DNAH12: variants seen among roughly 807,000 people sequenced by gnomAD.
The protein encoded by DNAH12 is dynein axonemal heavy chain 12.
DNAH12 carries 285 observed loss-of-function variants against 371.5 expected under a neutral mutation model. The observed-to-expected ratio is 0.77, with a 90% confidence interval of 0.70 to 0.85. DNAH12 has a LOEUF of 0.85. Ranked by LOEUF, DNAH12 falls within the 40% of genes least tolerant of loss-of-function variation. DNAH12 has a pLI of 0.00. For missense variants in DNAH12, 3,611 were observed against 3,689.4 expected (o/e 0.98, Z 0.55); for synonymous variants, 1,200 against 1,213.0 (o/e 0.99, Z 0.22).
At chr3:57,294,322 G>T (rs763479106) in intron 73 of DNAH12, among the ~76,000 whole-genome samples, 4 of 151,932 alleles carry the variant, frequency 2.6e-5, no homozygotes, top group Non-Finnish European at 5.9e-5. Context: ...GACTACAGGT[G>T]CCTGCCACCA....
At chr3:57,494,874 T>A (rs1575683099) in intron 11 of DNAH12, among the ~76,000 whole-genome samples, 2 of 152,042 alleles carry the variant, frequency 1.3e-5, no homozygotes, top group South Asian at 4.1e-4. Context: ...CCCACCATAG[T>A]GGCATATGCC....
At chr3:57,358,195 T>A (rs2062843878) in intron 58 of DNAH12, among the ~76,000 whole-genome samples, 2 of 152,162 alleles carry the variant, frequency 1.3e-5, no homozygotes, top group African/African-American at 4.8e-5. Flanking sequence ...AATCAAAAAT[T>A]TCCCTGGAGA....
At chr3:57,432,989 A>G (rs1413491079) in intron 32 of DNAH12, among the ~76,000 whole-genome samples, 5 of 152,188 alleles carry the variant, frequency 3.3e-5, no homozygotes, top group African/African-American at 1.2e-4. Context: ...AAGGTGATAT[A>G]CTGTATATAA....
chr3:57,413,670 G>T (rs1277733180), intron 39 of DNAH12, 76 bp downstream of exon 39: 1 of 1,408,356 alleles, frequency 7.1e-7, no homozygotes, highest in Non-Finnish European at 9.5e-7. Flanking sequence ...CTTGAAAAAT[G>T]TATTATTTTA....
intron 29 of DNAH12, among the ~76,000 whole-genome samples, chr3:57,438,918 C>CAAAAAAAAAAAAAAAAAAA (rs57608649): frequency 2.1e-5 from 2 of 94,494 alleles, no homozygotes; most frequent in African/African-American, 8.0e-5. Flanking sequence ...CTGTCTCAGA[C>CAAAAAAAAAAAAAAAAAAA]AAAAAAAAAA....
At chr3:57,320,921 T>C (rs1337165104) in intron 65 of DNAH12, among the ~76,000 whole-genome samples, 1 of 152,212 alleles carries the variant, frequency 6.6e-6, no homozygotes, top group East Asian at 1.9e-4. Context: ...CTATTACCAC[T>C]GTTCATCACA....
At chr3:57,502,712 G>A (rs6445897) in intron 9 of DNAH12, among the ~76,000 whole-genome samples, 2,082 of 152,210 alleles carry the variant, frequency 0.014, 58 homozygotes, top group African/African-American at 0.047. Context: ...ACCACGCCCA[G>A]CTAATTTTTG....
intron 60 of DNAH12, among the ~76,000 whole-genome samples, chr3:57,349,020 T>G (rs1213794278): frequency 3.0e-5 from 4 of 133,814 alleles, no homozygotes; most frequent in Non-Finnish European, 6.2e-5. Flanking sequence ...GCAAAAGAAA[T>G]AATCAGCAGA....
intron 4 of DNAH12, among the ~76,000 whole-genome samples, chr3:57,517,057 T>C (rs2068226758): frequency 6.6e-6 from 1 of 152,178 alleles, no homozygotes; most frequent in Non-Finnish European, 1.5e-5. Flanking sequence ...GTTCCCTCTG[T>C]TGGGAAATTC....
chr3:57,499,673 T>TATATATATATATATATATATACAC (rs771112538), intron 11 of DNAH12, among the ~76,000 whole-genome samples: 2 of 44,460 alleles, frequency 4.5e-5, no homozygotes, highest in African/African-American at 8.9e-5. Context: ...TATATATATA[T>TATATATATATATATATATATACAC]ATACTTCTTA....
rs72879656 is a variant in DNAH12 at position 57,412,126 on chromosome 3, T to A, written c.6020+1620A>T. Among the ~76,000 whole-genome samples the A allele has an allele frequency of 8.1e-3, 1,236 of 152,252 alleles. 11 individuals are homozygous for A. The highest frequency in any genetic ancestry group is 0.028 in the African/African-American group (1,152 of 41,564). ...TGGGCACAGTGGCTCATACCTATAA[T>A]CCCAGCTACCTAGGAGGCTGAGGCA... is the stretch of plus-strand genomic sequence containing the variant. On this transcript the variant is annotated intron_variant, in intron 39 of 73. Transcript: ENST00000495027.
chr3:57,500,752 G>A (rs1226445412), intron 11 of DNAH12, among the ~76,000 whole-genome samples: 1 of 152,022 alleles, frequency 6.6e-6, no homozygotes, highest in African/African-American at 2.4e-5. Context: ...AGCTCCTGAA[G>A]ACAGTGCTTA....
intron 27 of DNAH12, among the ~76,000 whole-genome samples, chr3:57,445,677 T>A (rs1254821616): frequency 7.1e-6 from 1 of 141,604 alleles, no homozygotes; most frequent in Admixed American, 7.6e-5. Context: ...TGGGTTTTTT[T>A]AATTCACGAA....
chr3:57,308,266 C>G (rs1224969517), intron 69 of DNAH12, among the ~76,000 whole-genome samples: 1 of 152,206 alleles, frequency 6.6e-6, no homozygotes, highest in Non-Finnish European at 1.5e-5. Flanking sequence ...CTTCCCACCT[C>G]TATACAGTCC....
Position 57,542,681 on chromosome 3 carries a change from T to A in DNAH12, c.170+20A>T. ...TTACTTGAATTCCAAGCAAGAATTA[T>A]CTACTAATATGCTACTTACACTAAC... On this transcript the variant is annotated intron_variant, in intron 2 of 73. Transcript: ENST00000495027. 1 of 1,538,160 alleles carries A rather than the reference T, an allele frequency of 6.5e-7. No homozygotes were observed. The highest frequency in any genetic ancestry group is 1.4e-5 in the African/African-American group (1 of 71,044).
At chr3:57,311,234 C>T (rs1440229049) in intron 66 of DNAH12, among the ~76,000 whole-genome samples, 3 of 152,090 alleles carry the variant, frequency 2.0e-5, no homozygotes, top group Admixed American at 1.3e-4. Flanking sequence ...TGCCACCACG[C>T]CCAGCTAATT....
intron 19 of DNAH12, among the ~76,000 whole-genome samples, chr3:57,460,567 T>C (rs1002948599): frequency 2.6e-5 from 4 of 152,142 alleles, no homozygotes; most frequent in African/African-American, 9.7e-5. Flanking sequence ...GTTAGACAAG[T>C]AAATTTCTAC....
chr3:57,466,096 G>T (rs1029850169), intron 17 of DNAH12, among the ~76,000 whole-genome samples: 59 of 150,830 alleles, frequency 3.9e-4, no homozygotes, highest in Admixed American at 4.6e-4. Flanking sequence ...ACACACACCA[G>T]ATTAGTCATA....
At chr3:57,480,519 T>C (rs2066701735) in intron 13 of DNAH12, among the ~76,000 whole-genome samples, 1 of 151,128 alleles carries the variant, frequency 6.6e-6, no homozygotes, top group Non-Finnish European at 1.5e-5. Flanking sequence ...CCATTCCTTC[T>C]GAAACTATTC....
Sources: allele counts gnomAD v4.1 joint callset (sites outside exome capture counted in the v4.1 genomes callset), GRCh38; gene constraint gnomAD v4.1.1; transcripts MANE v1.5; gene names NCBI Gene and HGNC (gene_info 2026-07-23, HGNC 2026-07-21).